The following STAU1 variants were observed in gnomAD, a reference collection of about 807,000 sequenced individuals.
The protein encoded by STAU1 is staufen double-stranded RNA binding protein 1.
Under a neutral mutation model 62.9 loss-of-function variants are expected in STAU1, and 13 were observed. The observed-to-expected ratio is 0.21, with a 90% CI of 0.13 to 0.33. STAU1 has a LOEUF of 0.33. Ranked by LOEUF, STAU1 falls within the 10% of genes least tolerant of loss-of-function variation. The probability of loss-of-function intolerance (pLI) is 1.00; values close to 1 mark genes in which losing one functional copy is unlikely to be tolerated. For synonymous variants in STAU1, 269 were observed against 265.1 expected (o/e 1.01, Z -0.14); for missense variants, 571 against 712.1 (o/e 0.80, Z 2.25).
At chr20:49,178,630 A>G (rs2093687494) in intron 1 of STAU1, among the ~76,000 whole-genome samples, 1 of 152,170 alleles carries the variant, frequency 6.6e-6, no homozygotes, top group Non-Finnish European at 1.5e-5. Context: ...ACATGCCTGT[A>G]ATCCCAGCTA....
intron 3 of STAU1, among the ~76,000 whole-genome samples, chr20:49,159,485 C>T (rs145349999): frequency 5.9e-5 from 9 of 152,064 alleles, no homozygotes; most frequent in Admixed American, 2.0e-4. Context: ...AAGGGAATCC[C>T]GAAGTTAAGG....
At chr20:49,207,190 C>A in the STAU1 span, among the ~76,000 whole-genome samples, 6 of 151,988 alleles carry the variant, frequency 3.9e-5, no homozygotes, top group African/African-American at 1.5e-4. Flanking sequence ...TATGCCCCTG[C>A]CTTCCAGCCT....
At chr20:49,131,580 C>T (rs2092750980) in intron 6 of STAU1, among the ~76,000 whole-genome samples, 1 of 152,092 alleles carries the variant, frequency 6.6e-6, no homozygotes, top group African/African-American at 2.4e-5. Context: ...CAGTGGCTCA[C>T]ACCTGTAATC....
chr20:49,178,069 T>C (rs2093681265), intron 1 of STAU1, among the ~76,000 whole-genome samples: 1 of 151,930 alleles, frequency 6.6e-6, no homozygotes, highest in African/African-American at 2.4e-5. Flanking sequence ...CTCAGCTACT[T>C]GGAAGGCTGA....
chr20:49,116,192 G>T (rs1165930494), intron 12 of STAU1, among the ~76,000 whole-genome samples: 2 of 152,066 alleles, frequency 1.3e-5, no homozygotes, highest in East Asian at 3.9e-4. Context: ...TAGAGACAGG[G>T]TCTCACTAAG....
rs554772799 is a variant in STAU1 at position 49,115,917 on chromosome 20, C to T, written c.1633-50G>A. 25 of 1,519,270 alleles carry T rather than the reference C, an allele frequency of 1.6e-5. No individual in the cohort carries two copies. The East Asian group carries it at 4.7e-4, about 29-fold the overall frequency. The allele number at this position is 1,519,270 out of a possible 1,614,324, so 94.1% of individuals were successfully genotyped here. ...AAGCCACAGCCACCGCTTGGGACCA[C>T]AGCATAATACACTGGTCAGGCAGGC... On this transcript the variant is annotated intron_variant, in intron 12 of 13. Coordinates refer to ENST00000371856, the MANE Select transcript of STAU1 (RefSeq NM_017453.4).
At chr20:49,139,014 C>T (rs1190300967) in intron 5 of STAU1, among the ~76,000 whole-genome samples, 1 of 151,874 alleles carries the variant, frequency 6.6e-6, no homozygotes, top group African/African-American at 2.4e-5. Context: ...GCTTGTTCAA[C>T]AAATGGTGCT....
chr20:49,192,171 C>A (rs1452177295), upstream of STAU1, among the ~76,000 whole-genome samples: 48 of 151,462 alleles, frequency 3.2e-4, no homozygotes, highest in Admixed American at 5.9e-4. Flanking sequence ...ATGGTGAAAC[C>A]CCATCTCTAC....
intron 3 of STAU1, among the ~76,000 whole-genome samples, chr20:49,157,117 T>G (rs2093371875): frequency 6.6e-6 from 1 of 152,102 alleles, no homozygotes; most frequent in African/African-American, 2.4e-5. Context: ...CCTCAAGTGA[T>G]CCACCTGCCT....
chr20:49,157,397 G>A (rs761523356), intron 3 of STAU1, among the ~76,000 whole-genome samples: 6 of 151,840 alleles, frequency 4.0e-5, no homozygotes, highest in Non-Finnish European at 1.5e-5. Flanking sequence ...ATAGCTCACT[G>A]CAGCCTCCTG....
In STAU1 at chr20:49,155,077, ACT is replaced by A. The variant is rs1278813151; in HGVS notation, c.206-1008_206-1007del. Reference sequence around the variant, plus strand: ...CTCCAGATGAGGAAACAAGAGCAAAACTCTGTCTTAAAAAAAAAAAAGAAACA... The same window carrying A: ...CTCCAGATGAGGAAACAAGAGCAAAACTGTCTTAAAAAAAAAAAAGAAACA... On this transcript the variant is annotated intron_variant, in intron 3 of 13. Transcript: ENST00000371856. Among the ~76,000 whole-genome samples, 10 of 110,796 alleles carry A rather than the reference ACT, an allele frequency of 9.0e-5. No homozygotes were observed. In the East Asian group the frequency reaches 2.2e-3, roughly 24 times the overall value. The allele number at this position is 110,796 out of a possible 152,430, so 72.7% of individuals were successfully genotyped here.
intron 6 of STAU1, among the ~76,000 whole-genome samples, chr20:49,135,602 A>G (rs1273621919): frequency 6.6e-6 from 1 of 152,140 alleles, no homozygotes; most frequent in Non-Finnish European, 1.5e-5. Flanking sequence ...AGGTCCACAC[A>G]CCAACTGAAG....
intron 3 of STAU1, among the ~76,000 whole-genome samples, chr20:49,165,618 G>C (rs1199710981): frequency 6.6e-6 from 1 of 152,254 alleles, no homozygotes; most frequent in East Asian, 1.9e-4. Context: ...TTACAGGCGT[G>C]AGCCACGGCA....
intron 5 of STAU1, among the ~76,000 whole-genome samples, chr20:49,147,446 T>C (rs970009963): frequency 5.3e-5 from 8 of 152,192 alleles, no homozygotes; most frequent in African/African-American, 1.2e-4. Flanking sequence ...TCCACAAATA[T>C]GCCACAGCTA....
chr20:49,169,570 A>G (rs763917993), intron 2 of STAU1, among the ~76,000 whole-genome samples: 8 of 152,344 alleles, frequency 5.3e-5, no homozygotes, highest in Middle Eastern at 6.8e-3. Context: ...TAAGGACTTG[A>G]GAGATCAAAA....
rs1049939296 is a variant in STAU1 at position 49,113,548 on chromosome 20, A to G, written c.*1330T>C. On this transcript the variant is annotated 3_prime_UTR_variant, in exon 14 of 14. Transcript: ENST00000371856. ...TTTAGTATTACCATTTATTGATGAC[A>G]AACACTTAAGTTTTACTTACATTCC... 7.2e-5 allele frequency: 11 copies of G among 152,690 alleles called. No individual in the cohort carries two copies. Among genetic ancestry groups the G allele is most frequent in the African/African-American group, 2.7e-4 (11 of 41,466 alleles). The allele number at this position is 152,690 out of a possible 1,614,324, so 9.5% of individuals were successfully genotyped here.
intron 3 of STAU1, chr20:49,158,505 A>G (rs1374264517): frequency 3.1e-6 from 4 of 1,304,112 alleles, no homozygotes; most frequent in Non-Finnish European, 3.0e-6. Flanking sequence ...CCACTAAAGG[A>G]AAAAAACAAA....
At chr20:49,169,436 T>C (rs1324877257) in intron 2 of STAU1, among the ~76,000 whole-genome samples, 3 of 152,238 alleles carry the variant, frequency 2.0e-5, no homozygotes, top group Admixed American at 1.3e-4. Flanking sequence ...ACTTTGGAAA[T>C]AGAACTTCTG....
At chr20:49,170,311 A>G (rs1465513618) in intron 2 of STAU1, among the ~76,000 whole-genome samples, 1 of 152,226 alleles carries the variant, frequency 6.6e-6, no homozygotes, top group Non-Finnish European at 1.5e-5. Context: ...CAACTTACAG[A>G]CTGTTAAATC....
Sources: allele counts gnomAD v4.1 joint callset (sites outside exome capture counted in the v4.1 genomes callset), GRCh38; gene constraint gnomAD v4.1.1; transcripts MANE v1.5; gene names NCBI Gene and HGNC (gene_info 2026-07-23, HGNC 2026-07-21).